Variants in RIOX2 observed in about 807,000 individuals in gnomAD.
RIOX2 encodes 60S ribosomal protein L27a histidine hydroxylase.
RIOX2 carries 43 observed loss-of-function variants against 51.2 expected under a neutral mutation model. That is an observed-to-expected ratio of 0.84 (90% CI 0.66 to 1.08). RIOX2 has a LOEUF of 1.08. Ranked by LOEUF, RIOX2 falls within the 50% of genes least tolerant of loss-of-function variation. The pLI, the probability that RIOX2 is intolerant of heterozygous loss-of-function variation, is 0.00. For synonymous variants in RIOX2, 226 were observed against 218.5 expected, an observed-to-expected ratio of 1.03 and a Z score of -0.30; for missense variants, 566 against 561.7, an observed-to-expected ratio of 1.01 and a Z score of -0.08.
chr3:97,962,149 T>C (rs886188216), intron 2 of RIOX2, among the ~76,000 whole-genome samples: 77 of 150,694 alleles, frequency 5.1e-4, no homozygotes, highest in Non-Finnish European at 1.6e-4. Flanking sequence ...GGTAGAAGAG[T>C]GGGATGCACT....
At chr3:97,967,106 G>T in intron 2 of RIOX2, 56 bp downstream of exon 2, 1 of 1,555,550 alleles carries the variant, frequency 6.4e-7, no homozygotes, top group Non-Finnish European at 8.7e-7. Flanking sequence ...CTGATATGTG[G>T]CCAAATGTTA....
chr3:97,969,402 G>GA (rs1706033367), intron 1 of RIOX2, among the ~76,000 whole-genome samples: 1 of 152,186 alleles, frequency 6.6e-6, no homozygotes, highest in Non-Finnish European at 1.5e-5. Flanking sequence ...CAAAGAGATA[G>GA]AAAAATGGAT....
chr3:97,967,302 T>G lies in RIOX2; in HGVS notation c.292A>C (p.Arg98=). The change falls in exon 2 of 10, where the codon AGA becomes CGA. Residue 98 remains arginine (R), a synonymous_variant. Coordinates refer to ENST00000394198, the MANE Select transcript of RIOX2 (RefSeq NM_153182.4). ...SLCSRGMYYG[R]DVNVCRCVNG... ...ACACACCGGCAGACATTCACATCTCTTCCATAGTACATCCCCCGGCTGCAC... is the reference window on the plus strand; with the variant it reads ...ACACACCGGCAGACATTCACATCTCGTCCATAGTACATCCCCCGGCTGCAC... 1 of 1,614,218 alleles carries G rather than the reference T, an allele frequency of 6.2e-7. No homozygotes were observed.
intron 2 of RIOX2, among the ~76,000 whole-genome samples, chr3:97,963,410 G>A (rs1376528961): frequency 1.3e-5 from 2 of 152,172 alleles, no homozygotes; most frequent in Non-Finnish European, 2.9e-5. Context: ...TTACAGATGT[G>A]AGCCATGGAT....
chr3:97,969,351 A>C (rs1706030746), intron 1 of RIOX2, among the ~76,000 whole-genome samples: 1 of 152,252 alleles, frequency 6.6e-6, no homozygotes. Flanking sequence ...AGGAAGGCAC[A>C]GCATTGCTAG....
At chr3:97,952,363 G>A in intron 5 of RIOX2, 1 of 566,460 alleles carries the variant, frequency 1.8e-6, no homozygotes, top group South Asian at 1.6e-5. Context: ...AGCCCCAGCT[G>A]AAAAGAGAAG....
At chr3:97,963,516 A>G (rs1459452426) in intron 2 of RIOX2, among the ~76,000 whole-genome samples, 2 of 152,232 alleles carry the variant, frequency 1.3e-5, no homozygotes, top group Non-Finnish European at 2.9e-5. Flanking sequence ...TCATCTGAAT[A>G]GCTCCAAAGA....
In RIOX2 at chr3:97,961,611, G is replaced by T. The variant is rs557077258; in HGVS notation, c.530C>A (p.Pro177Gln). ...YITPAGSQGL[P>Q]PHYDDVEVFI... ...TACCTCGACATCATCATAATGGGGC[G>T]GCAGGCCCTGAGATCCTGCGGGAGT... The change falls in exon 3 of 10, where the codon CCG (proline) becomes CAG (glutamine). Residue 177 changes from proline (P) to glutamine (Q), a missense_variant. Pro to Gln is a moderately conservative substitution (Grantham distance 76). Coordinates refer to ENST00000394198, the MANE Select transcript of RIOX2 (RefSeq NM_153182.4). 3 of 1,604,480 alleles carry T rather than the reference G, an allele frequency of 1.9e-6. No homozygotes were observed. Among genetic ancestry groups the T allele is most frequent in the Non-Finnish European group, 1.7e-6 (2 of 1,177,552 alleles).
chr3:97,950,813 C>A lies in RIOX2; in HGVS notation c.861G>T (p.Arg287=). Residue 287 remains arginine (R), a synonymous_variant, in exon 6 of 10, where the codon CGG becomes CGT. Coordinates refer to ENST00000394198, the MANE Select transcript of RIOX2 (RefSeq NM_153182.4). The part of the protein sequence containing the change: ...FDTAKEDVEL[R]TGIPRQLLLQ... ...GGAGCAGCTGCCGGGGTATGCCGGTCCGTAACTCCACGTCTTCCTTTGCAG... is the reference window on the plus strand; with the variant it reads ...GGAGCAGCTGCCGGGGTATGCCGGTACGTAACTCCACGTCTTCCTTTGCAG... 6.2e-7 allele frequency: 1 copy of A among 1,613,762 alleles called. No homozygotes were observed. Among genetic ancestry groups the A allele is most frequent in the Non-Finnish European group, 8.5e-7 (1 of 1,179,794 alleles).
chr3:97,953,716 C>A (rs1316763661), intron 5 of RIOX2, among the ~76,000 whole-genome samples: 2 of 152,194 alleles, frequency 1.3e-5, no homozygotes. Context: ...TTTGGACCAG[C>A]AAGGTTGCTG....
Position 97,949,894 on chromosome 3 carries a change from T to G in RIOX2, c.1010A>C (p.His337Pro). ...TCCCGCAGAGTAAGGGGGGAGTCTG[T>G]GCATAATAAAATCCTTCTTCATGTC... ...SSDMKKDFIM[H>P]RLPPYSAGDG... The change falls in exon 7 of 10, where the codon CAC becomes CCC. Residue 337 changes from histidine to proline, a missense_variant. Transcript: ENST00000394198. 6.2e-7 allele frequency: 1 copy of G among 1,613,890 alleles called. No individual in the cohort carries two copies.
chr3:97,965,333 G>A (rs550916007), intron 2 of RIOX2, among the ~76,000 whole-genome samples: 14 of 151,858 alleles, frequency 9.2e-5, no homozygotes, highest in African/African-American at 4.8e-5. Context: ...CCAACATGGC[G>A]AAACCCTGTC....
chr3:97,962,569 C>T (rs1438314627), intron 2 of RIOX2, among the ~76,000 whole-genome samples: 1 of 152,160 alleles, frequency 6.6e-6, no homozygotes, highest in African/African-American at 2.4e-5. Flanking sequence ...CTCTTCAGAG[C>T]AGACATCAGA....
At chr3:97,950,088 C>T (rs1000323736) in intron 6 of RIOX2, 73 bp from the exon 7 acceptor site, 63 of 1,487,530 alleles carry the variant, frequency 4.2e-5, no homozygotes, top group Admixed American at 1.7e-5. Context: ...CCACAGTAGA[C>T]TGCAAAACTG....
At chr3:97,952,825 G>T (rs1175837084) in intron 5 of RIOX2, among the ~76,000 whole-genome samples, 1 of 152,062 alleles carries the variant, frequency 6.6e-6, no homozygotes, top group Non-Finnish European at 1.5e-5. Context: ...CCCTTAAAAT[G>T]CAAGGAACCT....
chr3:97,967,208 T>A lies in RIOX2; in HGVS notation c.386A>T (p.Asp129Val), dbSNP rs2107195992. 1.9e-6 allele frequency: 3 copies of A among 1,614,198 alleles called. No individual in the cohort carries two copies. The highest frequency in any genetic ancestry group is 2.5e-6 in the Non-Finnish European group (3 of 1,180,036). ...AAACTGAATCGTTGCCCTTTTCTGA[T>A]CAAAATCTTTTCTCAGCTGAAGAAA... ...AHFLQLRKDF[D>V]QKRATIQFHQ... is the part of the protein sequence containing the mutation. The change falls in exon 2 of 10, where the codon GAT (aspartate) becomes GTT (valine). Residue 129 changes from aspartate (D) to valine (V), a missense_variant. Physicochemically the swap from Asp to Val is radical, Grantham distance 152. Coordinates refer to ENST00000394198, the MANE Select transcript of RIOX2 (RefSeq NM_153182.4).
chr3:97,959,191 C>T lies in RIOX2; in HGVS notation c.553-12G>A, dbSNP rs368128829. Reference sequence around the variant, plus strand: ...TGCAGGATGAAAACCTAGAGACCCACAAGGCCCAGGAGCATCAGAGAGCTT... The same window carrying T: ...TGCAGGATGAAAACCTAGAGACCCATAAGGCCCAGGAGCATCAGAGAGCTT... On this transcript the variant is annotated splice_polypyrimidine_tract_variant and intron_variant, in intron 3 of 9. Transcript: ENST00000394198. 5.6e-6 allele frequency: 9 copies of T among 1,611,578 alleles called. No individual in the cohort carries two copies. The African/African-American group carries it at 1.2e-4, about 22-fold the overall frequency.
At chr3:97,959,428 C>T (rs1475968243) in intron 3 of RIOX2, among the ~76,000 whole-genome samples, 1 of 151,402 alleles carries the variant, frequency 6.6e-6, no homozygotes, top group African/African-American at 2.4e-5. Flanking sequence ...TCCAATGATC[C>T]TCTTGCCCTA....
chr3:97,954,189 T>G, intron 5 of RIOX2: 1 of 537,198 alleles, frequency 1.9e-6, no homozygotes, highest in East Asian at 3.1e-5. Flanking sequence ...CAGAGTCAGG[T>G]TCATGATGTC....
Sources: allele counts gnomAD v4.1 joint callset (sites outside exome capture counted in the v4.1 genomes callset), GRCh38; gene constraint gnomAD v4.1.1; transcripts MANE v1.5; gene names NCBI Gene and HGNC (gene_info 2026-07-23, HGNC 2026-07-21).